The following ACTR3C variants were observed in gnomAD, a reference collection of about 807,000 sequenced individuals.
ACTR3C encodes actin-related protein 3C.
ACTR3C carries 18 observed loss-of-function variants against 26.3 expected under a neutral mutation model. The ratio of observed to expected loss-of-function variants is 0.68; its 90% CI spans 0.47 to 1.01. The LOEUF is 1.01. Among genes scored for constraint, ACTR3C ranks in the 50% least tolerant of loss-of-function variants. The pLI is 0.00. For synonymous variants in ACTR3C, 55 were observed against 94.5 expected (o/e 0.58, Z 2.42); for missense variants, 184 against 250.7 (o/e 0.73, Z 1.80).
chr7:149,997,465 C>T, the ACTR3C span, among the ~76,000 whole-genome samples: 206 of 152,004 alleles, frequency 1.4e-3, no homozygotes, highest in African/African-American at 4.8e-3. Flanking sequence ...TTTTTTGTTG[C>T]TCACTGCTGT....
intron 3 of ACTR3C, among the ~76,000 whole-genome samples, chr7:150,290,926 T>C (rs1252426028): frequency 6.6e-6 from 1 of 152,160 alleles, no homozygotes; most frequent in Non-Finnish European, 1.5e-5. Flanking sequence ...ACAAGATACA[T>C]GTCCAACAAC....
chr7:150,295,852 AAGGGAAGAGTCC>A (rs1189568856), intron 1 of ACTR3C, among the ~76,000 whole-genome samples: 1 of 137,012 alleles, frequency 7.3e-6, no homozygotes, highest in Non-Finnish European at 1.5e-5. Flanking sequence ...GTCCAGCGGC[AAGGGAAGAGTCC>A]AGGGCAGATC....
chr7:150,300,931 A>T (rs1795399446), intron 1 of ACTR3C, among the ~76,000 whole-genome samples: 2 of 152,188 alleles, frequency 1.3e-5, no homozygotes, highest in South Asian at 4.1e-4. Context: ...GCACGTGAGT[A>T]AGAGATGCAG....
the ACTR3C span, among the ~76,000 whole-genome samples, chr7:150,023,263 A>ATCTC: frequency 1.4e-4 from 7 of 50,938 alleles, no homozygotes; most frequent in Admixed American, 2.2e-4. Flanking sequence ...AGATCTCTAT[A>ATCTC]TATCTCTATA....
chr7:149,966,326 ACAT>A, the ACTR3C span, among the ~76,000 whole-genome samples: 2 of 152,294 alleles, frequency 1.3e-5, no homozygotes, highest in African/African-American at 4.8e-5. Context: ...CTGGGATTAA[ACAT>A]CAGGTAAAAC....
chr7:150,175,792 G>C, the ACTR3C span, among the ~76,000 whole-genome samples: 40 of 119,604 alleles, frequency 3.3e-4, no homozygotes, highest in Non-Finnish European at 5.9e-4. Flanking sequence ...TCCAGCCTGG[G>C]AAACAGTGAG....
At chr7:150,077,611 A>G in the ACTR3C span, among the ~76,000 whole-genome samples, 16 of 152,146 alleles carry the variant, frequency 1.1e-4, no homozygotes, top group African/African-American at 3.4e-4. Context: ...CAGGACAAGT[A>G]CTGGGTACCT....
At chr7:149,964,551 T>C in the ACTR3C span, among the ~76,000 whole-genome samples, 1 of 152,204 alleles carries the variant, frequency 6.6e-6, no homozygotes, top group African/African-American at 2.4e-5. Context: ...TGAGCAGTGG[T>C]GGATGGTGTC....
chr7:150,180,476 T>C, the ACTR3C span, among the ~76,000 whole-genome samples: 4 of 150,004 alleles, frequency 2.7e-5, no homozygotes, highest in Non-Finnish European at 5.9e-5. Context: ...AAAAGAATGA[T>C]TTGCCCAAGC....
chr7:149,993,763 C>G, the ACTR3C span, among the ~76,000 whole-genome samples: 1 of 152,214 alleles, frequency 6.6e-6, no homozygotes, highest in Non-Finnish European at 1.5e-5. Flanking sequence ...AGAACACAGG[C>G]TCCACAAGGC....
intron 6 of ACTR3C, among the ~76,000 whole-genome samples, chr7:150,259,243 CAGAA>C (rs1401697143): frequency 2.6e-5 from 2 of 76,174 alleles, no homozygotes; most frequent in South Asian, 3.8e-4. Flanking sequence ...AAAGAAAAGA[CAGAA>C]AGAAAAGAAA....
intron 1 of ACTR3C, among the ~76,000 whole-genome samples, chr7:150,314,668 C>T (rs1796657916): frequency 6.6e-6 from 1 of 151,022 alleles, no homozygotes; most frequent in African/African-American, 2.4e-5. Flanking sequence ...TAAGGCTGAG[C>T]TTGGTGGCTC....
At chr7:150,075,913 G>A in the ACTR3C span, among the ~76,000 whole-genome samples, 103 of 152,138 alleles carry the variant, frequency 6.8e-4, no homozygotes, top group Non-Finnish European at 1.3e-3. Context: ...GAGCCCCTCT[G>A]CTCGGACTCC....
the ACTR3C span, among the ~76,000 whole-genome samples, chr7:150,217,270 T>A: frequency 6.6e-6 from 1 of 151,726 alleles, no homozygotes; most frequent in Non-Finnish European, 1.5e-5. Context: ...AAGTCCAAGC[T>A]TTGGACAGCT....
At chr7:150,116,746 G>A in the ACTR3C span, among the ~76,000 whole-genome samples, 1 of 152,236 alleles carries the variant, frequency 6.6e-6, no homozygotes, top group Non-Finnish European at 1.5e-5. Context: ...GTTATGGACA[G>A]AATGGTTGTT....
At chr7:149,915,599 T>A in the ACTR3C span, among the ~76,000 whole-genome samples, 2 of 151,890 alleles carry the variant, frequency 1.3e-5, no homozygotes. Flanking sequence ...TGAATATCAC[T>A]AAATCTACCT....
chr7:150,173,633 C>A, the ACTR3C span, among the ~76,000 whole-genome samples: 6 of 144,690 alleles, frequency 4.1e-5, no homozygotes, highest in Non-Finnish European at 7.4e-5. Flanking sequence ...TACTTATGCA[C>A]ATTTCTGCAG....
At chr7:150,243,013 A>T (rs190420676), downstream of ACTR3C, among the ~76,000 whole-genome samples, 963 of 152,296 alleles carry the variant, frequency 6.3e-3, 7 homozygotes, top group African/African-American at 0.02. Context: ...AATTATTTTT[A>T]AAATTCTTAA....
chr7:150,047,292 C>T, the ACTR3C span, among the ~76,000 whole-genome samples: 1 of 152,176 alleles, frequency 6.6e-6, no homozygotes, highest in Non-Finnish European at 1.5e-5. Flanking sequence ...ACCATAGCAG[C>T]ATGCTGTTAA....
Sources: gnomAD v4.1 joint callset for allele counts (sites outside exome capture counted in the v4.1 genomes callset) on GRCh38, gnomAD v4.1.1 for gene constraint, MANE v1.5 for transcripts, NCBI Gene and HGNC (gene_info 2026-07-23, HGNC 2026-07-21) for gene names.